Variants in NCAM1 observed in about 807,000 individuals in gnomAD.
The protein encoded by NCAM1 is neural cell adhesion molecule 1.
Under a neutral mutation model 109.8 loss-of-function variants are expected in NCAM1, and 14 were observed. The observed-to-expected ratio is 0.13, with a 90% CI of 0.08 to 0.20. NCAM1 has a LOEUF of 0.20. NCAM1 is among the 10% of genes least tolerant of loss of function. NCAM1 has a pLI of 1.00. For synonymous variants in NCAM1, 418 were observed against 442.9 expected (o/e 0.94, Z 0.70); for missense variants, 774 against 1,109.9 (o/e 0.70, Z 4.30).
chr11:113,147,067 C>G (rs1942045534), intron 1 of NCAM1, among the ~76,000 whole-genome samples: 1 of 152,072 alleles, frequency 6.6e-6, no homozygotes, highest in Non-Finnish European at 1.5e-5. Context: ...ATATTGCTAC[C>G]AAATTCTTTT....
intron 1 of NCAM1, among the ~76,000 whole-genome samples, chr11:113,093,388 G>A (rs2135784681): frequency 6.6e-6 from 1 of 152,336 alleles, no homozygotes; most frequent in African/African-American, 2.4e-5. Flanking sequence ...GTTCAGAGAA[G>A]CTTTGCTGTT....
chr11:113,203,823 C>T (rs1565497110), intron 2 of NCAM1, among the ~76,000 whole-genome samples: 2 of 152,188 alleles, frequency 1.3e-5, no homozygotes, highest in Non-Finnish European at 2.9e-5. Flanking sequence ...CAGTATTTCT[C>T]GCCTTCATCT....
chr11:113,104,749 C>G (rs2135900430), intron 1 of NCAM1, among the ~76,000 whole-genome samples: 1 of 152,266 alleles, frequency 6.6e-6, no homozygotes, highest in African/African-American at 2.4e-5. Context: ...GGGTCTTATG[C>G]AGCTGAGTCC....
At chr11:113,242,668 AC>A (rs782708045) in intron 14 of NCAM1, 23 of 711,354 alleles carry the variant, frequency 3.2e-5, no homozygotes, top group Non-Finnish European at 5.1e-5. Context: ...TACCTCCTTC[AC>A]CATCTTTATA....
intron 1 of NCAM1, among the ~76,000 whole-genome samples, chr11:112,968,107 C>T (rs1401339981): frequency 3.3e-5 from 5 of 152,180 alleles, no homozygotes; most frequent in Non-Finnish European, 4.4e-5. Flanking sequence ...ATAAACTAAT[C>T]GTTCCAGTTT....
At chr11:113,134,457 C>T (rs1176104693) in intron 1 of NCAM1, among the ~76,000 whole-genome samples, 1 of 152,184 alleles carries the variant, frequency 6.6e-6, no homozygotes, top group Non-Finnish European at 1.5e-5. Context: ...AACTTTCCCA[C>T]TGTATCTTTT....
intron 1 of NCAM1, among the ~76,000 whole-genome samples, chr11:113,148,222 C>T (rs782616152): frequency 1.9e-4 from 29 of 152,080 alleles, no homozygotes; most frequent in African/African-American, 6.0e-4. Flanking sequence ...TCCCAGCAGC[C>T]GCTTCCATCT....
intron 1 of NCAM1, among the ~76,000 whole-genome samples, chr11:113,121,997 G>A (rs184612442): frequency 9.3e-4 from 141 of 152,224 alleles, no homozygotes; most frequent in African/African-American, 3.1e-3. Flanking sequence ...GATAAGGCTC[G>A]GTGTGGATGG....
At chr11:113,016,788 G>A (rs1213096736) in intron 1 of NCAM1, among the ~76,000 whole-genome samples, 1 of 152,096 alleles carries the variant, frequency 6.6e-6, no homozygotes, top group African/African-American at 2.4e-5. Flanking sequence ...TCACAGTCAG[G>A]GCAGGTGAAC....
At chr11:113,028,301 T>C (rs1490186051) in intron 1 of NCAM1, among the ~76,000 whole-genome samples, 1 of 152,060 alleles carries the variant, frequency 6.6e-6, no homozygotes, top group Non-Finnish European at 1.5e-5. Flanking sequence ...CCCATAAGCA[T>C]GAACAATTAT....
rs377662667 is a variant in NCAM1, at chr11:113,198,545, G to A, written c.53-3834G>A. Among the ~76,000 whole-genome samples, 29 of 152,064 alleles carry A rather than the reference G, an allele frequency of 1.9e-4. No homozygotes were observed. The East Asian group carries it at 5.4e-3, about 28-fold the overall frequency. On this transcript the variant is annotated intron_variant, in intron 1 of 19. Coordinates refer to ENST00000316851, the MANE Select transcript of NCAM1 (RefSeq NM_181351.5). ...TGCCACCACATCCAGCTAATTTTTT[G>A]TACTTTTAGTAGAGACGGGTCTCCT...
Position 113,105,187 on chromosome 11 carries a change from T to G in NCAM1, c.53-97192T>G, listed in dbSNP as rs114867510. Among the ~76,000 whole-genome samples, 821 of 152,284 alleles carry G rather than the reference T, an allele frequency of 5.4e-3. 8 individuals are homozygous for G. The highest frequency in any genetic ancestry group is 0.019 in the African/African-American group (781 of 41,556). ...TTTGCTCATCCTTGGCTATGTGCAG[T>G]TGAGGTTGGCAGGTCTGTGGGACCC... On this transcript the variant is annotated intron_variant, in intron 1 of 19. Transcript: ENST00000316851.
rs71698389 is a variant in NCAM1 at position 113,017,635 on chromosome 11, T to TTGTGTGTGTGTG, written c.52+55985_52+55996dup. Among the ~76,000 whole-genome samples, 1,028 of 145,262 alleles carry TTGTGTGTGTGTG rather than the reference T, an allele frequency of 7.1e-3. 16 individuals are homozygous for TTGTGTGTGTGTG. Among genetic ancestry groups the TTGTGTGTGTGTG allele is most frequent in the African/African-American group, 0.024 (934 of 39,718 alleles). ...AATAAAGTCAGCCATCAGTACTGTT[T>TTGTGTGTGTGTG]TGTGTGTGTGTGTGTGTGTGTGTGT... On this transcript the variant is annotated intron_variant, in intron 1 of 19. Coordinates refer to ENST00000316851, the MANE Select transcript of NCAM1 (RefSeq NM_181351.5).
At chr11:113,257,030 G>A (rs562453617) in intron 16 of NCAM1, among the ~76,000 whole-genome samples, 1 of 152,298 alleles carries the variant, frequency 6.6e-6, no homozygotes, top group African/African-American at 2.4e-5. Flanking sequence ...ACAGAGCCCC[G>A]CAGGCATACT....
intron 1 of NCAM1, among the ~76,000 whole-genome samples, chr11:113,199,639 G>C (rs545441966): frequency 6.6e-6 from 1 of 151,276 alleles, no homozygotes; most frequent in Non-Finnish European, 1.5e-5. Context: ...GTTGTGGGGT[G>C]GGGGGACGGG....
rs551894568 is a variant in NCAM1 at position 113,223,885 on chromosome 11, G to A, written c.1089+2560G>A. Among the ~76,000 whole-genome samples the A allele has an allele frequency of 3.3e-5, 5 of 152,328 alleles. No individual in the cohort carries two copies. In the East Asian group the frequency reaches 9.6e-4, roughly 29 times the overall value. On this transcript the variant is annotated intron_variant, in intron 9 of 19. Transcript: ENST00000316851. ...GCAGGGATGGCCCCATGCTCTTGAG[G>A]CCACTAGTCTAGACTCACGGGTAAA...
At chr11:113,028,332 G>A (rs1283140199) in intron 1 of NCAM1, among the ~76,000 whole-genome samples, 1 of 151,700 alleles carries the variant, frequency 6.6e-6, no homozygotes, top group Non-Finnish European at 1.5e-5. Context: ...TTATAAACAC[G>A]TTTTTTGAAC....
intron 1 of NCAM1, among the ~76,000 whole-genome samples, chr11:112,976,009 C>A (rs1453242906): frequency 6.6e-6 from 1 of 151,792 alleles, no homozygotes; most frequent in African/African-American, 2.4e-5. Flanking sequence ...ACAGTAGATA[C>A]TTTTGAAGTC....
chr11:112,982,634 A>G (rs1435850790), intron 1 of NCAM1, among the ~76,000 whole-genome samples: 1 of 151,944 alleles, frequency 6.6e-6, no homozygotes, highest in Non-Finnish European at 1.5e-5. Context: ...AAGAAATACT[A>G]CAGAGGGAAG....
Sources: gnomAD v4.1 joint callset for allele counts (sites outside exome capture counted in the v4.1 genomes callset) on GRCh38, gnomAD v4.1.1 for gene constraint, MANE v1.5 for transcripts, NCBI Gene and HGNC (gene_info 2026-07-23, HGNC 2026-07-21) for gene names.